The following AGBL4 variants were observed in gnomAD, a reference collection of about 807,000 sequenced individuals.
The protein encoded by AGBL4 is cytosolic carboxypeptidase 6.
AGBL4 carries 58 observed loss-of-function variants against 66.4 expected under a neutral mutation model. That is an observed-to-expected ratio of 0.87 (90% CI 0.71 to 1.09). The LOEUF (loss-of-function observed/expected upper bound fraction) is 1.09. Ranked by LOEUF, AGBL4 falls within the 50% of genes least tolerant of loss-of-function variation. The pLI, the probability that AGBL4 is intolerant of heterozygous loss-of-function variation, is 0.00. For missense variants in AGBL4, 579 were observed against 631.0 expected (o/e 0.92, Z 0.88); for synonymous variants, 234 against 222.9 (o/e 1.05, Z -0.44).
intron 3 of AGBL4, among the ~76,000 whole-genome samples, chr1:49,576,859 G>A (rs1644447112): frequency 6.6e-6 from 1 of 152,160 alleles, no homozygotes; most frequent in African/African-American, 2.4e-5. Context: ...TGCACGATAT[G>A]TAGAAACCAC....
chr1:49,444,664 T>C (rs1311545692), intron 3 of AGBL4, among the ~76,000 whole-genome samples: 3 of 152,068 alleles, frequency 2.0e-5, no homozygotes, highest in Non-Finnish European at 4.4e-5. Context: ...TCTATATGCA[T>C]TTTACTGGTA....
intron 4 of AGBL4, among the ~76,000 whole-genome samples, chr1:49,107,942 G>A (rs539010418): frequency 4.6e-4 from 70 of 152,270 alleles, no homozygotes; most frequent in African/African-American, 1.5e-3. Context: ...TACCCATAGG[G>A]TGGGGGCTTT....
In AGBL4 at chr1:48,699,288, T is replaced by C. The variant is rs538542297; in HGVS notation, c.635-36047A>G. 8.3e-4 allele frequency among the ~76,000 whole-genome samples: 127 copies of C among 152,226 alleles called. 1 individual carries two copies. Among genetic ancestry groups the C allele is most frequent in the Non-Finnish European group, 1.7e-3 (114 of 68,030 alleles). On this transcript the variant is annotated intron_variant, in intron 6 of 13. Coordinates refer to ENST00000371839, the MANE Select transcript of AGBL4 (RefSeq NM_032785.4). ...TTTAGCCCCTGAGTTTTGTTCTCTGTAAAATAGGGACAATAATGCCTACTT... is the reference window on the plus strand; with the variant it reads ...TTTAGCCCCTGAGTTTTGTTCTCTGCAAAATAGGGACAATAATGCCTACTT...
intron 3 of AGBL4, among the ~76,000 whole-genome samples, chr1:49,468,999 G>A (rs1213703567): frequency 6.6e-6 from 1 of 151,786 alleles, no homozygotes; most frequent in Non-Finnish European, 1.5e-5. Flanking sequence ...GACTTAGGTT[G>A]TTTGTCATGG....
chr1:49,949,114 A>C (rs1241173913), intron 1 of AGBL4, among the ~76,000 whole-genome samples: 1 of 151,826 alleles, frequency 6.6e-6, no homozygotes, highest in Admixed American at 6.6e-5. Context: ...TTCAACAAAC[A>C]GTGCTGGGAT....
At chr1:49,282,138 T>C (rs1320192757) in intron 3 of AGBL4, among the ~76,000 whole-genome samples, 1 of 152,134 alleles carries the variant, frequency 6.6e-6, no homozygotes, top group African/African-American at 2.4e-5. Context: ...AATTGCTTGG[T>C]GTGTGTGAGA....
At chr1:49,837,175 T>C (rs1645873607) in intron 2 of AGBL4, among the ~76,000 whole-genome samples, 1 of 152,142 alleles carries the variant, frequency 6.6e-6, no homozygotes, top group African/African-American at 2.4e-5. Context: ...TCCCCCCAGG[T>C]GCTCTGTCCA....
chr1:48,689,168 G>A (rs1229570055), intron 6 of AGBL4, among the ~76,000 whole-genome samples: 3 of 131,472 alleles, frequency 2.3e-5, no homozygotes, highest in African/African-American at 9.0e-5. Flanking sequence ...TTGTGCCACT[G>A]AACTCAGCCT....
chr1:49,979,593 G>T (rs1026060681), intron 1 of AGBL4, among the ~76,000 whole-genome samples: 1 of 152,128 alleles, frequency 6.6e-6, no homozygotes, highest in Non-Finnish European at 1.5e-5. Context: ...AGTACATACT[G>T]TACTACTGTA....
chr1:48,954,770 C>T (rs1441322534), intron 5 of AGBL4, among the ~76,000 whole-genome samples: 1 of 152,160 alleles, frequency 6.6e-6, no homozygotes, highest in Non-Finnish European at 1.5e-5. Flanking sequence ...CATTTCTTCC[C>T]TCCCCTTCTC....
At chr1:48,702,941 C>T (rs1231471103) in intron 6 of AGBL4, among the ~76,000 whole-genome samples, 1 of 152,178 alleles carries the variant, frequency 6.6e-6, no homozygotes, top group Admixed American at 6.5e-5. Flanking sequence ...TGGAGATGCA[C>T]ATCCCACAGT....
chr1:49,733,827 C>G (rs1226975423), intron 2 of AGBL4, among the ~76,000 whole-genome samples: 1 of 152,074 alleles, frequency 6.6e-6, no homozygotes, highest in African/African-American at 2.4e-5. Flanking sequence ...AATGGCCCCA[C>G]AAGAAAACTA....
chr1:49,311,237 C>A (rs929375024), intron 3 of AGBL4, among the ~76,000 whole-genome samples: 24 of 152,052 alleles, frequency 1.6e-4, no homozygotes, highest in African/African-American at 5.3e-4. Flanking sequence ...TCTCAATGAT[C>A]CTTAAATGTT....
chr1:49,896,643 AC>A, intron 1 of AGBL4, among the ~76,000 whole-genome samples: 1 of 150,992 alleles, frequency 6.6e-6, no homozygotes, highest in Non-Finnish European at 1.5e-5. Flanking sequence ...ACACACACAC[AC>A]ACACACACAC....
At chr1:49,732,749 T>G (rs1012746060) in intron 2 of AGBL4, among the ~76,000 whole-genome samples, 9 of 151,850 alleles carry the variant, frequency 5.9e-5, no homozygotes, top group Admixed American at 4.6e-4. Context: ...TGAAGAAAAA[T>G]GAACTAAGCC....
At chr1:49,937,496 G>A (rs1654205468) in intron 1 of AGBL4, among the ~76,000 whole-genome samples, 1 of 151,978 alleles carries the variant, frequency 6.6e-6, no homozygotes. Context: ...AGACCTAATA[G>A]ACATCTACAG....
intron 3 of AGBL4, among the ~76,000 whole-genome samples, chr1:49,674,228 C>A (rs1441231792): frequency 6.6e-6 from 1 of 151,996 alleles, no homozygotes; most frequent in Non-Finnish European, 1.5e-5. Flanking sequence ...CCTGAGATGT[C>A]TTCTCATCCA....
chr1:49,063,560 C>A (rs908269397), intron 4 of AGBL4, among the ~76,000 whole-genome samples: 18 of 152,236 alleles, frequency 1.2e-4, no homozygotes, highest in Non-Finnish European at 2.5e-4. Context: ...AAGTCCTGTT[C>A]TTGATGCTAA....
At chr1:48,820,227 A>G (rs1454570037) in intron 6 of AGBL4, among the ~76,000 whole-genome samples, 2 of 152,108 alleles carry the variant, frequency 1.3e-5, no homozygotes, top group Non-Finnish European at 2.9e-5. Flanking sequence ...ACTTCCTTAG[A>G]AAACACTCTC....
Sources: allele counts gnomAD v4.1 joint callset (sites outside exome capture counted in the v4.1 genomes callset), GRCh38; gene constraint gnomAD v4.1.1; transcripts MANE v1.5; gene names NCBI Gene and HGNC (gene_info 2026-07-23, HGNC 2026-07-21).